The following MAP3K15 variants were observed in gnomAD, a reference collection of about 807,000 sequenced individuals.
MAP3K15 encodes mitogen-activated protein kinase kinase kinase 15.
Under a neutral mutation model 99.5 loss-of-function variants are expected in MAP3K15, and 124 were observed. That is an observed-to-expected ratio of 1.25 (90% confidence interval 1.08 to 1.45). The LOEUF (loss-of-function observed/expected upper bound fraction) is 1.45. Among genes scored for constraint, MAP3K15 ranks in the 40% most tolerant of loss-of-function variants. MAP3K15 has a pLI of 0.00. For synonymous variants in MAP3K15, 494 were observed against 439.6 expected, an observed-to-expected ratio of 1.12 and a Z score of -1.55; for missense variants, 1,242 against 1,079.7, an observed-to-expected ratio of 1.15 and a Z score of -2.11.
At chrX:19,453,868 G>A (rs143687944) in intron 6 of MAP3K15, among the ~76,000 whole-genome samples, 1,483 of 111,516 alleles carry the variant, frequency 0.013, 26 homozygotes, top group African/African-American at 0.044. Flanking sequence ...ATCAAACAGC[G>A]AACATCAACA....
intron 6 of MAP3K15, among the ~76,000 whole-genome samples, chrX:19,451,753 T>C (rs932717430): frequency 4.6e-5 from 5 of 109,799 alleles, no homozygotes; most frequent in African/African-American, 1.7e-4. Flanking sequence ...TGGAAAACAA[T>C]TTACAGATTC....
intron 7 of MAP3K15, among the ~76,000 whole-genome samples, chrX:19,429,937 C>T (rs2063868074): frequency 9.0e-6 from 1 of 111,305 alleles, no homozygotes; most frequent in Non-Finnish European, 1.9e-5. Flanking sequence ...ATCCAACTTT[C>T]TCAACATTTT....
At chrX:19,501,446 A>G (rs750275382) in intron 1 of MAP3K15, among the ~76,000 whole-genome samples, 1 of 111,913 alleles carries the variant, frequency 8.9e-6, no homozygotes, top group Non-Finnish European at 1.9e-5. Context: ...TGCACCACTG[A>G]AGAGAAAGGT....
At chrX:19,372,113 G>A (rs1427912781) in intron 22 of MAP3K15, among the ~76,000 whole-genome samples, 6 of 86,035 alleles carry the variant, frequency 7.0e-5, no homozygotes, top group Non-Finnish European at 1.2e-4. Flanking sequence ...CAGCCTGGGC[G>A]ACAGAGTGAG....
rs190215698 is a variant in MAP3K15, at chrX:19,500,210, G to A, written c.362-11243C>T. Among the ~76,000 whole-genome samples, 1,086 of 111,725 alleles carry A rather than the reference G, an allele frequency of 9.7e-3. 12 individuals are homozygous for A. Among genetic ancestry groups the A allele is most frequent in the African/African-American group, 0.033 (1,010 of 30,766 alleles). On this transcript the variant is annotated intron_variant, in intron 1 of 28. Transcript: ENST00000338883. The stretch of plus-strand genomic sequence containing the variant: ...TTCAGTGAGCCGAGATCGCGCCACT[G>A]CACTCCAGCCTGGGTGACAGAGTGA...
rs780505997 is a variant in MAP3K15, at chrX:19,410,045, A to C, written c.1699-72T>G. The C allele has an allele frequency of 3.4e-5, 31 of 912,928 alleles. No individual in the cohort carries two copies. In the Middle Eastern group the frequency reaches 1.4e-3, roughly 42 times the overall value. The allele number at this position is 912,928 out of a possible 1,213,427, so 75.2% of individuals were successfully genotyped here. A position where few individuals can be genotyped will look rare whatever the true frequency, so the allele number is the denominator to read the frequency against. On this transcript the variant is annotated intron_variant, in intron 11 of 28. Transcript: ENST00000338883. ...CAAATGATTTTTTTTGTTTCATTCT[A>C]TGGTCAATCATTTCTGCTATTTTAC... is the stretch of plus-strand genomic sequence containing the variant.
At chrX:19,404,355 C>T (rs929789404) in intron 13 of MAP3K15, among the ~76,000 whole-genome samples, 1 of 111,866 alleles carries the variant, frequency 8.9e-6, no homozygotes, top group African/African-American at 3.2e-5. Context: ...TTCAAGAAAA[C>T]CTAAGTAAAT....
intron 6 of MAP3K15, among the ~76,000 whole-genome samples, chrX:19,454,706 C>G (rs909718101): frequency 9.8e-5 from 11 of 112,113 alleles, no homozygotes; most frequent in African/African-American, 3.6e-4. Flanking sequence ...CTATTTTCCC[C>G]TTTACAGATA....
intron 9 of MAP3K15, among the ~76,000 whole-genome samples, chrX:19,418,848 A>G (rs1258806571): frequency 3.6e-5 from 4 of 112,222 alleles, no homozygotes; most frequent in Admixed American, 2.8e-4. Context: ...TCTCTGCAGA[A>G]ACTCTACAAG....
At chrX:19,372,080 G>A (rs1435369704) in intron 22 of MAP3K15, among the ~76,000 whole-genome samples, 1 of 107,416 alleles carries the variant, frequency 9.3e-6, no homozygotes, top group African/African-American at 3.4e-5. Flanking sequence ...GTTGCAGTGA[G>A]CCAAGATCAC....
In MAP3K15 at chrX:19,360,163, A is replaced by C. The variant is rs1292958485; in HGVS notation, c.*586T>G. On this transcript the variant is annotated 3_prime_UTR_variant, in exon 29 of 29. Coordinates refer to ENST00000338883, the MANE Select transcript of MAP3K15 (RefSeq NM_001001671.4). ...AATCATTTCAAAGGCCACATAACTT[A>C]GTTTTCTCTACTTACACATTCAGTA... 1 of 150,716 alleles carries C rather than the reference A, an allele frequency of 6.6e-6. No individual in the cohort carries two copies. The highest frequency in any genetic ancestry group is 1.3e-5 in the Non-Finnish European group (1 of 77,650). The allele number at this position is 150,716 out of a possible 1,213,427, so 12.4% of individuals were successfully genotyped here. A position where few individuals can be genotyped will look rare whatever the true frequency, so the allele number is the denominator to read the frequency against.
At chrX:19,425,775 G>T in intron 8 of MAP3K15, 85 bp from the exon 9 acceptor site, 1 of 894,216 alleles carries the variant, frequency 1.1e-6, no homozygotes, top group Non-Finnish European at 1.5e-6. Context: ...TATTTTGGCT[G>T]CTGTCTCAGG....
At chrX:19,477,074 G>A (rs1363750979) in intron 3 of MAP3K15, among the ~76,000 whole-genome samples, 2 of 111,996 alleles carry the variant, frequency 1.8e-5, no homozygotes, top group African/African-American at 6.5e-5. Context: ...ATAAGCAGAT[G>A]AGTGAATGGC....
At chrX:19,428,789 A>G (rs1328787479) in intron 7 of MAP3K15, among the ~76,000 whole-genome samples, 1 of 111,246 alleles carries the variant, frequency 9.0e-6, no homozygotes, top group Non-Finnish European at 1.9e-5. Flanking sequence ...CAACATGGTG[A>G]AACCCCATCT....
At chrX:19,373,244 A>C in intron 21 of MAP3K15, 1 of 202,650 alleles carries the variant, frequency 4.9e-6, no homozygotes, top group Non-Finnish European at 8.3e-6. Context: ...GGGGAGAGAG[A>C]GGGGGAAGAG....
chrX:19,363,759 TCTC>T (rs750667492), intron 25 of MAP3K15, among the ~76,000 whole-genome samples: 1 of 109,944 alleles, frequency 9.1e-6, no homozygotes, highest in South Asian at 3.9e-4. Flanking sequence ...TTCAGGCAAT[TCTC>T]CTGCCTCAGC....
intron 11 of MAP3K15, 89 bp from the exon 12 acceptor site, chrX:19,410,062 C>T (rs1304139344): frequency 1.3e-6 from 1 of 753,032 alleles, no homozygotes; most frequent in Non-Finnish European, 2.0e-6. Context: ...ATCATTTCTG[C>T]TATTTTACCT....
At chrX:19,377,807 C>T (rs938909969) in intron 19 of MAP3K15, among the ~76,000 whole-genome samples, 12 of 112,156 alleles carry the variant, frequency 1.1e-4, no homozygotes, top group Admixed American at 3.8e-4. Context: ...CAGGGTCCAC[C>T]GCACACGGTC....
chrX:19,447,494 GATA>G (rs2064006999), intron 6 of MAP3K15, among the ~76,000 whole-genome samples: 1 of 111,580 alleles, frequency 9.0e-6, no homozygotes, highest in African/African-American at 3.2e-5. Flanking sequence ...CTCACTTACT[GATA>G]ATATTTCATC....
Sources: allele counts gnomAD v4.1 joint callset (sites outside exome capture counted in the v4.1 genomes callset), GRCh38; gene constraint gnomAD v4.1.1; transcripts MANE v1.5; gene names NCBI Gene and HGNC (gene_info 2026-07-23, HGNC 2026-07-21).